Variants in LRMDA observed in about 807,000 individuals in gnomAD.
LRMDA encodes leucine-rich melanocyte differentiation-associated protein.
LRMDA carries 18 observed loss-of-function variants against 29.8 expected under a neutral mutation model. The observed-to-expected ratio is 0.60, with a 90% CI of 0.42 to 0.90. LRMDA has a LOEUF of 0.90. Among genes scored for constraint, LRMDA ranks in the 40% least tolerant of loss-of-function variants. The pLI is 0.00. For synonymous variants in LRMDA, 125 were observed against 109.4 expected (o/e 1.14, Z -0.89); for missense variants, 273 against 273.9 (o/e 1.00, Z 0.02).
At chr10:75,648,067 A>G (rs1309880194) in intron 2 of LRMDA, among the ~76,000 whole-genome samples, 2 of 152,238 alleles carry the variant, frequency 1.3e-5, no homozygotes, top group Non-Finnish European at 2.9e-5. Context: ...GCTTAGGGAT[A>G]TAACAGGGAA....
intron 2 of LRMDA, among the ~76,000 whole-genome samples, chr10:75,737,638 C>T (rs532104927): frequency 2.7e-4 from 41 of 152,306 alleles, no homozygotes; most frequent in African/African-American, 9.6e-4. Flanking sequence ...CACAAATACA[C>T]CACATGAAAC....
chr10:75,757,907 C>G (rs1389579032), intron 2 of LRMDA, among the ~76,000 whole-genome samples: 1 of 150,840 alleles, frequency 6.6e-6, no homozygotes, highest in Non-Finnish European at 1.5e-5. Context: ...TCAAGCAATT[C>G]TCCTTCCTCA....
At chr10:76,332,632 C>A (rs1483108628) in intron 6 of LRMDA, among the ~76,000 whole-genome samples, 1 of 152,148 alleles carries the variant, frequency 6.6e-6, no homozygotes, top group Non-Finnish European at 1.5e-5. Flanking sequence ...TTTATCTTAA[C>A]AAAATGGAAG....
At chr10:75,494,127 A>G (rs1845019252) in intron 2 of LRMDA, among the ~76,000 whole-genome samples, 1 of 152,208 alleles carries the variant, frequency 6.6e-6, no homozygotes, top group Admixed American at 6.5e-5. Context: ...TAAAGTTCAT[A>G]TGCTATGAAG....
intron 5 of LRMDA, among the ~76,000 whole-genome samples, chr10:76,255,149 G>A (rs183611552): frequency 6.6e-6 from 1 of 152,186 alleles, no homozygotes; most frequent in Admixed American, 6.5e-5. Context: ...TCACCAAAAA[G>A]GTCATTAAAA....
intron 5 of LRMDA, among the ~76,000 whole-genome samples, chr10:76,188,577 C>G (rs1051889389): frequency 6.6e-6 from 1 of 152,138 alleles, no homozygotes; most frequent in Non-Finnish European, 1.5e-5. Context: ...GTTTGGCAAC[C>G]CATATTCACC....
intron 5 of LRMDA, among the ~76,000 whole-genome samples, chr10:76,240,193 CCA>C (rs561810447): frequency 3.8e-4 from 55 of 143,572 alleles, no homozygotes; most frequent in African/African-American, 6.3e-4. Context: ...CACACACACA[CCA>C]CACACACACA....
Position 76,466,729 on chromosome 10 carries a change from C to G in LRMDA, c.602-90480C>G, listed in dbSNP as rs190159843. ...GAGAATTGAGCCTGGGAGTTCGAGA[C>G]TGCAGTGAGCTATGATCACACCACT... On this transcript the variant is annotated intron_variant, in intron 6 of 6. Coordinates refer to ENST00000611255, the MANE Select transcript of LRMDA (RefSeq NM_001305581.2). Among the ~76,000 whole-genome samples, 1,255 of 152,196 alleles carry G rather than the reference C, an allele frequency of 8.2e-3. 10 individuals are homozygous for G. The highest frequency in any genetic ancestry group is 0.013 in the Non-Finnish European group (882 of 67,990).
At chr10:75,611,476 C>T (rs1478215073) in intron 2 of LRMDA, among the ~76,000 whole-genome samples, 2 of 152,196 alleles carry the variant, frequency 1.3e-5, no homozygotes, top group African/African-American at 4.8e-5. Context: ...TTTTCATCTT[C>T]TCAAGCCAAA....
chr10:75,694,484 A>G (rs902741844), intron 2 of LRMDA, among the ~76,000 whole-genome samples: 1 of 152,214 alleles, frequency 6.6e-6, no homozygotes, highest in African/African-American at 2.4e-5. Context: ...CAGTGTGCCT[A>G]ATGTATAAAA....
At chr10:75,736,091 G>A (rs1260842891) in intron 2 of LRMDA, among the ~76,000 whole-genome samples, 1 of 152,168 alleles carries the variant, frequency 6.6e-6, no homozygotes, top group African/African-American at 2.4e-5. Flanking sequence ...GCACGTGAAA[G>A]CAGAACATTT....
intron 2 of LRMDA, among the ~76,000 whole-genome samples, chr10:75,974,154 C>T (rs1847030153): frequency 6.6e-6 from 1 of 152,156 alleles, no homozygotes; most frequent in Admixed American, 6.5e-5. Flanking sequence ...TTAATTTCCC[C>T]TGCAGATATA....
chr10:75,900,437 G>T (rs1218399979), intron 2 of LRMDA, among the ~76,000 whole-genome samples: 1 of 152,144 alleles, frequency 6.6e-6, no homozygotes, highest in East Asian at 1.9e-4. Context: ...ATGGTTCCCG[G>T]TTCCCCTAAG....
intron 5 of LRMDA, among the ~76,000 whole-genome samples, chr10:76,222,988 T>C (rs987929137): frequency 3.9e-5 from 6 of 151,966 alleles, no homozygotes; most frequent in Non-Finnish European, 8.8e-5. Flanking sequence ...AAATTGGAAA[T>C]CATCATTCTC....
intron 2 of LRMDA, among the ~76,000 whole-genome samples, chr10:75,633,524 T>G (rs909969621): frequency 6.6e-6 from 1 of 152,238 alleles, no homozygotes; most frequent in African/African-American, 2.4e-5. Context: ...TTTACATTCA[T>G]GCACTGAATG....
At chr10:76,528,681 A>G (rs1253365093) in intron 6 of LRMDA, among the ~76,000 whole-genome samples, 1 of 152,176 alleles carries the variant, frequency 6.6e-6, no homozygotes, top group Non-Finnish European at 1.5e-5. Context: ...GTATTCAGCT[A>G]CAACTAGCCC....
intron 2 of LRMDA, among the ~76,000 whole-genome samples, chr10:75,856,305 G>T (rs955897713): frequency 6.6e-6 from 1 of 152,030 alleles, no homozygotes; most frequent in African/African-American, 2.4e-5. Flanking sequence ...GGATTCCTAG[G>T]TATTTTATTT....
intron 2 of LRMDA, among the ~76,000 whole-genome samples, chr10:75,841,764 G>T (rs1234454699): frequency 6.6e-6 from 1 of 152,220 alleles, no homozygotes; most frequent in African/African-American, 2.4e-5. Flanking sequence ...TTATTGGAAT[G>T]CATAGTCATC....
At chr10:76,035,893 C>T in intron 2 of LRMDA, 115 bp from the exon 3 acceptor site, 6 of 1,353,884 alleles carry the variant, frequency 4.4e-6, no homozygotes, top group Non-Finnish European at 5.9e-6. Flanking sequence ...CTGACAGGCA[C>T]CAAGCCCAAA....
Sources: gnomAD v4.1 joint callset for allele counts (sites outside exome capture counted in the v4.1 genomes callset) on GRCh38, gnomAD v4.1.1 for gene constraint, MANE v1.5 for transcripts, NCBI Gene and HGNC (gene_info 2026-07-23, HGNC 2026-07-21) for gene names.